ITGA8: variants seen among roughly 807,000 people sequenced by gnomAD.
The protein encoded by ITGA8 is integrin alpha-8.
Under a neutral mutation model 142.3 loss-of-function variants are expected in ITGA8, and 91 were observed. The ratio of observed to expected loss-of-function variants is 0.64; its 90% confidence interval spans 0.54 to 0.76. ITGA8 has a LOEUF of 0.76. Among genes scored for constraint, ITGA8 ranks in the 30% least tolerant of loss-of-function variants. The probability of loss-of-function intolerance (pLI) is 0.00; values close to 1 mark genes in which losing one functional copy is unlikely to be tolerated. For missense variants in ITGA8, 1,406 were observed against 1,327.7 expected (o/e 1.06, Z -0.92); for synonymous variants, 505 against 485.2 (o/e 1.04, Z -0.54).
chr10:15,615,159 C>T (rs780480683), intron 14 of ITGA8, among the ~76,000 whole-genome samples: 59 of 152,156 alleles, frequency 3.9e-4, no homozygotes, highest in African/African-American at 1.3e-3. Context: ...ATGAAAGTGG[C>T]GGATTGGAAG....
chr10:15,704,820 T>C (rs1012869896), intron 2 of ITGA8, among the ~76,000 whole-genome samples: 1 of 152,146 alleles, frequency 6.6e-6, no homozygotes, highest in Non-Finnish European at 1.5e-5. Context: ...CAGGATAGGA[T>C]TGGGTTTCAC....
intron 2 of ITGA8, among the ~76,000 whole-genome samples, chr10:15,690,987 C>G (rs1834923277): frequency 6.6e-6 from 1 of 152,116 alleles, no homozygotes; most frequent in Admixed American, 6.6e-5. Flanking sequence ...ATAAGGAACT[C>G]AACAGCAAGA....
intron 12 of ITGA8, 78 bp downstream of exon 12, chr10:15,646,768 A>G: frequency 9.5e-7 from 1 of 1,047,320 alleles, no homozygotes; most frequent in Non-Finnish European, 1.5e-6. Context: ...ACCATACTGA[A>G]TACTTTAAAA....
chr10:15,551,265 G>A (rs1368555002), intron 26 of ITGA8, among the ~76,000 whole-genome samples: 1 of 151,774 alleles, frequency 6.6e-6, no homozygotes, highest in Non-Finnish European at 1.5e-5. Context: ...GGATGAGAGA[G>A]AAGAGGAGGG....
chr10:15,538,658 A>C (rs939317927), intron 27 of ITGA8, among the ~76,000 whole-genome samples: 1 of 152,172 alleles, frequency 6.6e-6, no homozygotes, highest in Non-Finnish European at 1.5e-5. Flanking sequence ...TAATAATAAT[A>C]AAAAAGAAAA....
At chr10:15,659,149 A>G (rs775524074) in intron 9 of ITGA8, 94 bp from the exon 10 acceptor site, 17 of 751,868 alleles carry the variant, frequency 2.3e-5, no homozygotes, top group Admixed American at 1.3e-4. Flanking sequence ...AATTTTTTGT[A>G]AAGTGTGATA....
chr10:15,702,821 T>A (rs911020013), intron 2 of ITGA8, among the ~76,000 whole-genome samples: 3 of 152,208 alleles, frequency 2.0e-5, no homozygotes, highest in African/African-American at 7.2e-5. Flanking sequence ...TGAAATTCTT[T>A]GAGATTATTG....
chr10:15,635,798 A>G (rs1278028614), intron 13 of ITGA8, among the ~76,000 whole-genome samples: 4 of 152,160 alleles, frequency 2.6e-5, no homozygotes, highest in Non-Finnish European at 5.9e-5. Flanking sequence ...GTTTGAACCT[A>G]GTTCAACTGA....
At chr10:15,582,962 T>C (rs958584984) in intron 23 of ITGA8, among the ~76,000 whole-genome samples, 1 of 152,248 alleles carries the variant, frequency 6.6e-6, no homozygotes, top group East Asian at 1.9e-4. Context: ...TGAATACTTA[T>C]AGCAGCTTTA....
intron 6 of ITGA8, among the ~76,000 whole-genome samples, chr10:15,676,006 T>A (rs929823738): frequency 1.3e-5 from 2 of 152,092 alleles, no homozygotes; most frequent in South Asian, 4.2e-4. Context: ...ATCATGAAAA[T>A]TTATGATAAA....
chr10:15,560,628 G>C (rs1400436429), intron 25 of ITGA8, among the ~76,000 whole-genome samples: 1 of 152,138 alleles, frequency 6.6e-6, no homozygotes, highest in Non-Finnish European at 1.5e-5. Flanking sequence ...AATACTACTG[G>C]ACAGGTTTTA....
intron 12 of ITGA8, among the ~76,000 whole-genome samples, chr10:15,645,800 C>T (rs987912051): frequency 6.6e-6 from 1 of 152,042 alleles, no homozygotes; most frequent in South Asian, 2.1e-4. Flanking sequence ...ATTTTCAGGT[C>T]CTGAAAATGT....
At chr10:15,539,664 C>T (rs1198938900) in intron 27 of ITGA8, among the ~76,000 whole-genome samples, 1 of 152,124 alleles carries the variant, frequency 6.6e-6, no homozygotes, top group Non-Finnish European at 1.5e-5. Context: ...TTTATTTTTA[C>T]TGATATCTAT....
intron 10 of ITGA8, among the ~76,000 whole-genome samples, chr10:15,657,015 A>G (rs1203712833): frequency 2.0e-5 from 3 of 152,200 alleles, no homozygotes; most frequent in South Asian, 4.1e-4. Context: ...TAACAACTCA[A>G]TTCTCACACC....
In ITGA8 at chr10:15,545,231, A is replaced by C. The variant is rs1833646515; in HGVS notation, c.2880+3224T>G. Among the ~76,000 whole-genome samples, 7 of 152,328 alleles carry C rather than the reference A, an allele frequency of 4.6e-5. No individual in the cohort carries two copies. The South Asian group carries it at 1.4e-3, about 32-fold the overall frequency. On this transcript the variant is annotated intron_variant, in intron 27 of 29. Coordinates refer to ENST00000378076, the MANE Select transcript of ITGA8 (RefSeq NM_003638.3). ...GTCTTCCTCACCATTTGGCTTAGGCAAAAAACCTTGGAGTCCATCTTGATT... is the reference window on the plus strand; with the variant it reads ...GTCTTCCTCACCATTTGGCTTAGGCCAAAAACCTTGGAGTCCATCTTGATT...
chr10:15,588,676 A>G (rs989648399), intron 22 of ITGA8, among the ~76,000 whole-genome samples: 3 of 152,232 alleles, frequency 2.0e-5, no homozygotes, highest in African/African-American at 7.2e-5. Flanking sequence ...ACGAAAAAAC[A>G]AAGTTTCATT....
At chr10:15,645,192 CACTTTCTTA>C (rs1833957899) in intron 12 of ITGA8, among the ~76,000 whole-genome samples, 2 of 150,442 alleles carry the variant, frequency 1.3e-5, no homozygotes. Flanking sequence ...ACACTTTCGA[CACTTTCTTA>C]ACTTTCTCTA....
At chr10:15,719,038 CAA>C (rs1835507410) in intron 1 of ITGA8, 139 bp from the exon 2 acceptor site, 1 of 1,305,308 alleles carries the variant, frequency 7.7e-7, no homozygotes, top group African/African-American at 1.5e-5. Flanking sequence ...GACCGACTGT[CAA>C]ACTTGATTTC....
At chr10:15,633,242 CT>C (rs1833714008) in intron 13 of ITGA8, among the ~76,000 whole-genome samples, 3 of 151,986 alleles carry the variant, frequency 2.0e-5, no homozygotes, top group Admixed American at 2.0e-4. Context: ...CCAAAATTGC[CT>C]TTTTGAAAAA....
Sources: allele counts gnomAD v4.1 joint callset (sites outside exome capture counted in the v4.1 genomes callset), GRCh38; gene constraint gnomAD v4.1.1; transcripts MANE v1.5; gene names NCBI Gene and HGNC (gene_info 2026-07-23, HGNC 2026-07-21).